TSPEAR: variants seen among roughly 807,000 people sequenced by gnomAD.
TSPEAR encodes thrombospondin type laminin G domain and EAR repeats.
TSPEAR carries 69 observed loss-of-function variants against 71.6 expected under a neutral mutation model. The ratio of observed to expected loss-of-function variants is 0.96; its 90% CI spans 0.79 to 1.18. The LOEUF is 1.18. TSPEAR is among the 50% of genes most tolerant of loss of function. TSPEAR has a pLI of 0.00. For synonymous variants in TSPEAR, 402 were observed against 387.2 expected (o/e 1.04, Z -0.45); for missense variants, 971 against 894.9 (o/e 1.09, Z -1.09).
At chr21:44,607,209 A>T (rs587647661) in intron 1 of TSPEAR, among the ~76,000 whole-genome samples, 1 of 152,240 alleles carries the variant, frequency 6.6e-6, no homozygotes, top group Admixed American at 6.5e-5. Context: ...CCTCCCAAGT[A>T]GCTGGGACTA....
At chr21:44,601,408 C>T (rs782266496) in intron 1 of TSPEAR, 2 of 1,612,684 alleles carry the variant, frequency 1.2e-6, no homozygotes, top group Non-Finnish European at 1.7e-6. Context: ...CCAAAGCCAG[C>T]AGGGCTGCTG....
chr21:44,657,405 C>T (rs116353806), intron 1 of TSPEAR, among the ~76,000 whole-genome samples: 1,600 of 152,304 alleles, frequency 0.011, 29 homozygotes, highest in African/African-American at 0.037. Flanking sequence ...ATGTTACAGT[C>T]TCTTCCATAA....
Position 44,577,840 on chromosome 21 carries a change from G to A in TSPEAR, c.83-9835C>T, listed in dbSNP as rs184531562. 2.5e-3 allele frequency among the ~76,000 whole-genome samples: 374 copies of A among 152,222 alleles called. 1 individual carries two copies. Among genetic ancestry groups the A allele is most frequent in the African/African-American group, 8.8e-3 (364 of 41,514 alleles). On this transcript the variant is annotated intron_variant, in intron 1 of 11. Transcript: ENST00000323084. ...AGAGAACAAATAAATTACCAATATC[G>A]GATGTTATGGTTTGGCTGTGTCCCC...
intron 9 of TSPEAR, among the ~76,000 whole-genome samples, chr21:44,513,774 G>A (rs2052470399): frequency 6.6e-6 from 1 of 152,294 alleles, no homozygotes; most frequent in East Asian, 1.9e-4. Context: ...CCAGGGGAGG[G>A]GAGGGAGGCA....
intron 1 of TSPEAR, among the ~76,000 whole-genome samples, chr21:44,640,196 C>T (rs115829176): frequency 0.011 from 1,723 of 152,338 alleles, 29 homozygotes; most frequent in African/African-American, 0.04. Flanking sequence ...CAAAACACAG[C>T]CCATCCCCAT....
chr21:44,548,064 C>T (rs1379829632), intron 2 of TSPEAR, among the ~76,000 whole-genome samples: 2 of 152,226 alleles, frequency 1.3e-5, no homozygotes, highest in Non-Finnish European at 2.9e-5. Context: ...CCCCAGGTGG[C>T]ATTGACTGTT....
chr21:44,708,046 C>CA (rs1988028931), intron 1 of TSPEAR, among the ~76,000 whole-genome samples: 1 of 136,246 alleles, frequency 7.3e-6, no homozygotes, highest in African/African-American at 2.8e-5. Flanking sequence ...CACACACACA[C>CA]CACACAGCAC....
Position 44,642,472 on chromosome 21 carries a change from T to G in TSPEAR, c.82+68961A>C, listed in dbSNP as rs1984069060. On this transcript the variant is annotated intron_variant, in intron 1 of 11. Transcript: ENST00000323084. This position sits in a 1 kb window ranked among gnomAD's most constrained non-coding sequence, Gnocchi z 4.1. ...TCATTTAAAAAAATAATGTAAGAGA[T>G]TGTATGAACCTACAATAACAGAAAA... Among the ~76,000 whole-genome samples the G allele has an allele frequency of 6.6e-6, 1 of 151,990 alleles. No individual in the cohort carries two copies.
intron 9 of TSPEAR, among the ~76,000 whole-genome samples, chr21:44,512,146 G>C (rs752594925): frequency 1.3e-5 from 2 of 152,246 alleles, no homozygotes; most frequent in African/African-American, 4.8e-5. Context: ...GGCGCACACA[G>C]AGTGCGGAGC....
Position 44,517,489 on chromosome 21 carries a change from T to C in TSPEAR, c.1566+4394A>G, listed in dbSNP as rs587688232. 3 of 294,482 alleles carry C rather than the reference T, an allele frequency of 1.0e-5. No individual in the cohort carries two copies. In the East Asian group the frequency reaches 3.0e-4, roughly 29 times the overall value. 18.2% of individuals were successfully genotyped at this position (294,482 alleles called of 1,614,324 possible). A position where few individuals can be genotyped will look rare whatever the true frequency, so the allele number is the denominator to read the frequency against. On this transcript the variant is annotated intron_variant, in intron 9 of 11. Coordinates refer to ENST00000323084, the MANE Select transcript of TSPEAR (RefSeq NM_144991.3). Reference sequence around the variant, plus strand: ...GCACAGGTCCAGCTAGGCTGGGTCATATGACAAGCATTAGCCAATGAGCTG... The same window carrying C: ...GCACAGGTCCAGCTAGGCTGGGTCACATGACAAGCATTAGCCAATGAGCTG...
At chr21:44,704,428 C>T (rs1402191334) in intron 1 of TSPEAR, among the ~76,000 whole-genome samples, 2 of 152,226 alleles carry the variant, frequency 1.3e-5, no homozygotes, top group African/African-American at 4.8e-5. Flanking sequence ...CCAGGGAACC[C>T]AAACCGTGCG....
intron 1 of TSPEAR, among the ~76,000 whole-genome samples, chr21:44,709,552 GC>G (rs1375632103): frequency 6.6e-6 from 1 of 152,260 alleles, no homozygotes; most frequent in Non-Finnish European, 1.5e-5. Flanking sequence ...AGGCGCATGG[GC>G]CCCGTGGCAG....
intron 1 of TSPEAR, among the ~76,000 whole-genome samples, chr21:44,644,577 C>T (rs1984199090): frequency 2.0e-5 from 3 of 152,104 alleles, no homozygotes; most frequent in African/African-American, 4.8e-5. Context: ...GAGCAGGACC[C>T]TAATGCACTG....
intron 1 of TSPEAR, among the ~76,000 whole-genome samples, chr21:44,597,727 TG>T (rs1980466385): frequency 1.3e-5 from 2 of 152,216 alleles, no homozygotes; most frequent in African/African-American, 4.8e-5. Flanking sequence ...CCACAGCACA[TG>T]GCCTCTATGC....
At chr21:44,651,316 G>A (rs920741289) in intron 1 of TSPEAR, among the ~76,000 whole-genome samples, 1 of 152,178 alleles carries the variant, frequency 6.6e-6, no homozygotes, top group Non-Finnish European at 1.5e-5. Flanking sequence ...AGACCACGCA[G>A]TGTGTAGAAA....
chr21:44,704,244 A>AC (rs1219564128), intron 1 of TSPEAR, among the ~76,000 whole-genome samples: 7 of 113,324 alleles, frequency 6.2e-5, no homozygotes, highest in African/African-American at 7.4e-5. Flanking sequence ...TTCCCTGGGT[A>AC]CCCCACCCCC....
intron 1 of TSPEAR, chr21:44,601,755 C>T: frequency 6.3e-7 from 1 of 1,594,522 alleles, no homozygotes; most frequent in Middle Eastern, 1.7e-4. Context: ...TAAGATCATC[C>T]AAAGCCTGAG....
In TSPEAR at chr21:44,520,387, T is replaced by C. The variant is rs1262119244; in HGVS notation, c.1566+1496A>G. ...AAAGTGGGGAGGGTGCTCCCTGACA[T>C]CTGCTCTCCTCGTGCCCTGAACATC... On this transcript the variant is annotated intron_variant, in intron 9 of 11. Coordinates refer to ENST00000323084, the MANE Select transcript of TSPEAR (RefSeq NM_144991.3). The surrounding 1 kb of genome is among the most constrained non-coding windows in gnomAD (Gnocchi z 4.2). 6.6e-6 allele frequency: 1 copy of C among 151,976 alleles called. No homozygotes were observed. The highest frequency in any genetic ancestry group is 1.5e-5 in the Non-Finnish European group (1 of 67,980). The allele number at this position is 151,976 out of a possible 1,614,324, so 9.4% of individuals were successfully genotyped here.
At chr21:44,581,734 G>A (rs1374744146) in intron 1 of TSPEAR, among the ~76,000 whole-genome samples, 1 of 152,100 alleles carries the variant, frequency 6.6e-6, no homozygotes, top group African/African-American at 2.4e-5. Context: ...TTTGTCTCAC[G>A]ATGAATGAAA....
Sources: gnomAD v4.1 joint callset for allele counts (sites outside exome capture counted in the v4.1 genomes callset) on GRCh38, gnomAD v4.1.1 for gene constraint, Gnocchi (gnomAD v3.1) non-coding constraint, MANE v1.5 for transcripts, NCBI Gene and HGNC (gene_info 2026-07-23, HGNC 2026-07-21) for gene names.